ACTR1A: variants seen among roughly 807,000 people sequenced by gnomAD.
The protein encoded by ACTR1A is actin related protein 1A.
A neutral mutation model predicts 50.7 loss-of-function variants in ACTR1A; 10 were observed. The ratio of observed to expected loss-of-function variants is 0.20; its 90% CI spans 0.12 to 0.33. The LOEUF is 0.33. ACTR1A is among the 10% of genes least tolerant of loss of function. The pLI, the probability that ACTR1A is intolerant of heterozygous loss-of-function variation, is 1.00. For synonymous variants in ACTR1A, 177 were observed against 184.2 expected (o/e 0.96, Z 0.32); for missense variants, 253 against 491.7 (o/e 0.51, Z 4.59).
chr10:102,490,247 A>AG (rs2062185811), intron 2 of ACTR1A, among the ~76,000 whole-genome samples: 2 of 151,644 alleles, frequency 1.3e-5, no homozygotes, highest in Admixed American at 6.6e-5. Context: ...AAAAAAAAAA[A>AG]AAAAAAAAGA....
intron 1 of ACTR1A, 152 bp downstream of exon 1, chr10:102,502,448 T>C (rs2062262376): frequency 2.6e-6 from 2 of 766,950 alleles, no homozygotes; most frequent in Non-Finnish European, 4.4e-6. Context: ...GCGGACTATG[T>C]GATAAGGGGA....
chr10:102,490,639 G>C, intron 1 of ACTR1A, 26 bp from the exon 2 acceptor site: 1 of 1,572,842 alleles, frequency 6.4e-7, no homozygotes, highest in Non-Finnish European at 8.7e-7. Flanking sequence ...AGAGAATGAG[G>C]AGTCAGAACT....
intron 1 of ACTR1A, among the ~76,000 whole-genome samples, chr10:102,502,172 A>G (rs2062258149): frequency 6.6e-6 from 1 of 152,250 alleles, no homozygotes; most frequent in South Asian, 2.1e-4. Flanking sequence ...ATATGGCGGC[A>G]AGGAAGAATG....
chr10:102,481,707 G>A (rs1303019502), intron 9 of ACTR1A, 130 bp downstream of exon 9: 5 of 1,087,006 alleles, frequency 4.6e-6, no homozygotes, highest in Non-Finnish European at 5.5e-6. Context: ...TACAGGCTGG[G>A]AACCTGGCGC....
Position 102,492,571 on chromosome 10 carries a change from T to C in ACTR1A, c.49-1958A>G, listed in dbSNP as rs529983540. ...GAGACTCTAAGTAGCCAAGGTTATC[T>C]GCACCAAAGGCTTCCCAGCAACATG... On this transcript the variant is annotated intron_variant, in intron 1 of 10. Transcript: ENST00000369905. Among the ~76,000 whole-genome samples the C allele has an allele frequency of 5.9e-5, 9 of 152,324 alleles. No individual in the cohort carries two copies. The South Asian group carries it at 1.9e-3, about 32-fold the overall frequency.
chr10:102,484,040 A>G (rs976102990), intron 6 of ACTR1A, 120 bp downstream of exon 6: 1 of 866,644 alleles, frequency 1.2e-6, no homozygotes, highest in African/African-American at 1.7e-5. Flanking sequence ...GGGAAGAACA[A>G]GGCCTCACCA....
At position 102,482,805 on chromosome 10, in the gene ACTR1A, T is replaced by C. The variant is rs998357077; in HGVS notation, c.750+206A>G. The C allele has an allele frequency of 1.8e-6, 1 of 569,486 alleles. No individual in the cohort carries two copies. The highest frequency in any genetic ancestry group is 2.3e-5 in the South Asian group (1 of 42,996). 35.3% of individuals were successfully genotyped at this position (569,486 alleles called of 1,614,324 possible). A position where few individuals can be genotyped will look rare whatever the true frequency, so the allele number is the denominator to read the frequency against. On this transcript the variant is annotated intron_variant, in intron 7 of 10. Coordinates refer to ENST00000369905, the MANE Select transcript of ACTR1A (RefSeq NM_005736.4). The surrounding 1 kb of genome is among the most constrained non-coding windows in gnomAD (Gnocchi z 5.6). Reference sequence around the variant, plus strand: ...TAAAAAAAAAAATTGCAAAAGAATCTCATAATGTTTTAAGAAAGTTTACGA... The same window carrying C: ...TAAAAAAAAAAATTGCAAAAGAATCCCATAATGTTTTAAGAAAGTTTACGA...
chr10:102,490,114 T>G (rs2062185010), intron 2 of ACTR1A, among the ~76,000 whole-genome samples: 1 of 151,288 alleles, frequency 6.6e-6, no homozygotes, highest in Non-Finnish European at 1.5e-5. Context: ...CAGGCGCCTG[T>G]AGTCCCAGCT....
intron 1 of ACTR1A, among the ~76,000 whole-genome samples, chr10:102,491,454 A>G (rs1000207326): frequency 6.6e-6 from 1 of 152,312 alleles, no homozygotes; most frequent in East Asian, 1.9e-4. Context: ...TTCTTATTGC[A>G]AGGGCAGAGC....
intron 1 of ACTR1A, among the ~76,000 whole-genome samples, chr10:102,493,667 A>C (rs1224968664): frequency 6.6e-6 from 1 of 152,214 alleles, no homozygotes; most frequent in African/African-American, 2.4e-5. Flanking sequence ...GGTGGCATGC[A>C]CTTCATTCTG....
Position 102,502,663 on chromosome 10 carries a change from C to G in ACTR1A, c.-16G>C, listed in dbSNP as rs757847436. ...AGGACTCCATGGCAGAGGAATCTCTCCTTCTGGGGAAGGAACTGCCCAGCC... is the reference window on the plus strand; with the variant it reads ...AGGACTCCATGGCAGAGGAATCTCTGCTTCTGGGGAAGGAACTGCCCAGCC... On this transcript the variant is annotated 5_prime_UTR_variant, in exon 1 of 11. Coordinates refer to ENST00000369905, the MANE Select transcript of ACTR1A (RefSeq NM_005736.4). 30 of 1,614,194 alleles carry G rather than the reference C, an allele frequency of 1.9e-5. 1 individual carries two copies. The South Asian group carries it at 3.2e-4, about 17-fold the overall frequency.
Position 102,489,056 on chromosome 10 carries a change from G to T in ACTR1A, c.189+7C>A. The stretch of plus-strand genomic sequence containing the variant: ...CTTAAGGCTTGTTCTGTAGGCCTGG[G>T]AATTACCTCAGCTTTGGGGCCAATG... On this transcript the variant is annotated splice_region_variant and intron_variant, in intron 3 of 10. Transcript: ENST00000369905. 6.4e-7 allele frequency: 1 copy of T among 1,555,760 alleles called. No homozygotes were observed. The highest frequency in any genetic ancestry group is 1.2e-5 in the South Asian group (1 of 83,660).
At chr10:102,495,968 C>T (rs1360060794) in intron 1 of ACTR1A, among the ~76,000 whole-genome samples, 1 of 150,866 alleles carries the variant, frequency 6.6e-6, no homozygotes, top group Non-Finnish European at 1.5e-5. Flanking sequence ...TTGTTTGAGA[C>T]GCAGTCTCGC....
rs1255210610 is a variant in ACTR1A at position 102,480,443 on chromosome 10, C to T, written c.*420G>A. ...CATCGATAGTGGAGGCAGCAGCTGC[C>T]TGGGGCCTCAGGGCACCCTGGGGGT... is the stretch of plus-strand genomic sequence containing the variant. On this transcript the variant is annotated 3_prime_UTR_variant, in exon 11 of 11. Coordinates refer to ENST00000369905, the MANE Select transcript of ACTR1A (RefSeq NM_005736.4). 1 of 210,248 alleles carries T rather than the reference C, an allele frequency of 4.8e-6. No homozygotes were observed. The highest frequency in any genetic ancestry group is 9.7e-6 in the Non-Finnish European group (1 of 102,998). 13.0% of individuals were successfully genotyped at this position (210,248 alleles called of 1,614,324 possible).
intron 1 of ACTR1A, among the ~76,000 whole-genome samples, chr10:102,498,547 G>A (rs1400814803): frequency 6.6e-6 from 1 of 151,858 alleles, no homozygotes. Context: ...TGAGGTGCAC[G>A]ATCTCACTGC....
intron 4 of ACTR1A, among the ~76,000 whole-genome samples, chr10:102,486,447 TG>T (rs2062168390): frequency 6.6e-6 from 1 of 152,048 alleles, no homozygotes; most frequent in Admixed American, 6.6e-5. Context: ...CCCAGCACCT[TG>T]GGAGGCTGAG....
At chr10:102,485,191 G>T (rs3781290) in intron 5 of ACTR1A, among the ~76,000 whole-genome samples, 6 of 151,916 alleles carry the variant, frequency 3.9e-5, no homozygotes, top group Non-Finnish European at 7.4e-5. Flanking sequence ...CAGGAGCCAC[G>T]GGGGATGGGA....
intron 4 of ACTR1A, among the ~76,000 whole-genome samples, 190 bp from the exon 5 acceptor site, chr10:102,485,923 C>A (rs754905373): frequency 1.3e-5 from 2 of 152,152 alleles, no homozygotes; most frequent in African/African-American, 2.4e-5. Context: ...CAAGTTAATG[C>A]CCACTTTAAA....
chr10:102,495,651 C>T (rs1344735381), intron 1 of ACTR1A, among the ~76,000 whole-genome samples: 1 of 151,376 alleles, frequency 6.6e-6, no homozygotes, highest in African/African-American at 2.4e-5. Flanking sequence ...ATCTCTTGAA[C>T]CCACAAGGGG....
Sources: allele counts gnomAD v4.1 joint callset (sites outside exome capture counted in the v4.1 genomes callset), GRCh38; gene constraint gnomAD v4.1.1; non-coding constraint Gnocchi (gnomAD v3.1); transcripts MANE v1.5; gene names NCBI Gene and HGNC (gene_info 2026-07-23, HGNC 2026-07-21).